The following SMURF1 variants were observed in gnomAD, a reference collection of about 807,000 sequenced individuals.
The protein encoded by SMURF1 is E3 ubiquitin-protein ligase SMURF1.
Under a neutral mutation model 98.0 loss-of-function variants are expected in SMURF1, and 44 were observed. The ratio of observed to expected loss-of-function variants is 0.45; its 90% CI spans 0.35 to 0.58. The LOEUF (loss-of-function observed/expected upper bound fraction) is 0.58. Ranked by LOEUF, SMURF1 falls within the 20% of genes least tolerant of loss-of-function variation. SMURF1 has a pLI of 0.00. For synonymous variants in SMURF1, 396 were observed against 374.9 expected, an observed-to-expected ratio of 1.06 and a Z score of -0.65; for missense variants, 687 against 938.4, an observed-to-expected ratio of 0.73 and a Z score of 3.50.
At chr7:99,122,369 C>A (rs533474501) in intron 1 of SMURF1, among the ~76,000 whole-genome samples, 47 of 146,162 alleles carry the variant, frequency 3.2e-4, no homozygotes, top group Middle Eastern at 4.0e-3. Context: ...AAAGGCCGGG[C>A]GCAGTGGCTC....
intron 1 of SMURF1, among the ~76,000 whole-genome samples, chr7:99,085,069 G>A (rs565885990): frequency 9.9e-5 from 15 of 152,194 alleles, no homozygotes; most frequent in African/African-American, 3.6e-4. Context: ...GTTTCCTGGT[G>A]GCCGGGCACG....
chr7:99,035,182 C>T (rs942922399), intron 16 of SMURF1, among the ~76,000 whole-genome samples: 4 of 152,232 alleles, frequency 2.6e-5, no homozygotes, highest in African/African-American at 9.6e-5. Context: ...CCCCATAGCT[C>T]CCTCCCCGGG....
At chr7:99,030,719 G>T in intron 17 of SMURF1, 36 bp from the exon 18 acceptor site, 1 of 1,584,976 alleles carries the variant, frequency 6.3e-7, no homozygotes, top group South Asian at 1.1e-5. Flanking sequence ...CGTGTGGGCA[G>T]TCCAGCCCTA....
At chr7:99,133,991 G>A (rs1458663157) in intron 1 of SMURF1, among the ~76,000 whole-genome samples, 1 of 152,062 alleles carries the variant, frequency 6.6e-6, no homozygotes, top group African/African-American at 2.4e-5. Context: ...TGCGGCTGAG[G>A]GAGGTAGAAA....
intron 1 of SMURF1, among the ~76,000 whole-genome samples, chr7:99,065,167 CA>C (rs1474591666): frequency 2.6e-5 from 4 of 151,756 alleles, no homozygotes; most frequent in African/African-American, 9.7e-5. Flanking sequence ...GATCACAGCT[CA>C]CTGCAGCCTT....
chr7:99,061,872 A>G (rs754674005), intron 1 of SMURF1, 35 bp from the exon 2 acceptor site: 2 of 1,517,516 alleles, frequency 1.3e-6, no homozygotes, highest in Non-Finnish European at 1.8e-6. Context: ...GGTTAGCATT[A>G]AAGACGAGAT....
intron 1 of SMURF1, among the ~76,000 whole-genome samples, chr7:99,136,810 C>T (rs1251196123): frequency 1.3e-5 from 2 of 152,038 alleles, no homozygotes; most frequent in African/African-American, 2.4e-5. Context: ...ATTAGCCAGC[C>T]GTGGTGGCAC....
At chr7:99,061,861 A>AG in intron 1 of SMURF1, 24 bp from the exon 2 acceptor site, 1 of 1,569,358 alleles carries the variant, frequency 6.4e-7, no homozygotes, top group Non-Finnish European at 8.7e-7. Context: ...AAAATTACTC[A>AG]GGTTAGCATT....
At chr7:99,142,165 A>C (rs574574200) in intron 1 of SMURF1, among the ~76,000 whole-genome samples, 3 of 152,342 alleles carry the variant, frequency 2.0e-5, no homozygotes, top group African/African-American at 7.2e-5. Context: ...CCCGCGGCAG[A>C]GCGTTGCGCT....
chr7:99,123,555 T>A (rs1270020472), intron 1 of SMURF1, among the ~76,000 whole-genome samples: 1 of 152,018 alleles, frequency 6.6e-6, no homozygotes, highest in East Asian at 1.9e-4. Flanking sequence ...AATAGATAGA[T>A]AGATAAATAT....
chr7:99,068,737 AT>A (rs768524961), intron 1 of SMURF1, among the ~76,000 whole-genome samples: 2 of 152,326 alleles, frequency 1.3e-5, no homozygotes, highest in Non-Finnish European at 2.9e-5. Context: ...AAGATTTCCC[AT>A]TCCCTAACAA....
At chr7:99,097,471 G>A (rs1161997850) in intron 1 of SMURF1, among the ~76,000 whole-genome samples, 1 of 152,192 alleles carries the variant, frequency 6.6e-6, no homozygotes, top group East Asian at 1.9e-4. Context: ...TGAATGGATT[G>A]ATGACATTAA....
chr7:99,038,091 C>T (rs1562998320), intron 14 of SMURF1, among the ~76,000 whole-genome samples: 1 of 151,826 alleles, frequency 6.6e-6, no homozygotes, highest in Non-Finnish European at 1.5e-5. Flanking sequence ...CTCCAAGCTG[C>T]TGCTCTCTCC....
intron 3 of SMURF1, among the ~76,000 whole-genome samples, chr7:99,060,022 G>C (rs190038145): frequency 1.4e-4 from 22 of 152,060 alleles, no homozygotes; most frequent in Admixed American, 1.3e-3. Context: ...CTGCTAAAAT[G>C]GCCAGGAGAT....
chr7:99,108,632 AAAAGAAAG>A (rs1554447372), intron 1 of SMURF1, among the ~76,000 whole-genome samples: 1 of 145,116 alleles, frequency 6.9e-6, no homozygotes, highest in Non-Finnish European at 1.5e-5. Flanking sequence ...AAAAAAAAAA[AAAAGAAAG>A]AAAGAAAGAA....
intron 1 of SMURF1, among the ~76,000 whole-genome samples, chr7:99,115,740 T>C (rs767741364): frequency 7.9e-5 from 12 of 152,160 alleles, no homozygotes; most frequent in Non-Finnish European, 1.5e-4. Flanking sequence ...ATTAAAAATT[T>C]TTTAAAGACT....
intron 1 of SMURF1, among the ~76,000 whole-genome samples, chr7:99,116,176 G>GA (rs1797445906): frequency 1.3e-5 from 2 of 152,092 alleles, no homozygotes; most frequent in Admixed American, 1.3e-4. Flanking sequence ...AATAAAGGGG[G>GA]AAAACCACAA....
intron 9 of SMURF1, chr7:99,049,237 T>C: frequency 6.9e-6 from 2 of 289,558 alleles, no homozygotes; most frequent in Non-Finnish European, 1.3e-5. Context: ...AGCACGTATC[T>C]CTACTTCTCA....
intron 1 of SMURF1, among the ~76,000 whole-genome samples, chr7:99,075,182 A>T (rs1176903013): frequency 1.3e-5 from 2 of 152,168 alleles, no homozygotes; most frequent in African/African-American, 4.8e-5. Flanking sequence ...GCAGTGGCAC[A>T]ATCACAGCTC....
Sources: allele counts gnomAD v4.1 joint callset (sites outside exome capture counted in the v4.1 genomes callset), GRCh38; gene constraint gnomAD v4.1.1; transcripts MANE v1.5; gene names NCBI Gene and HGNC (gene_info 2026-07-23, HGNC 2026-07-21).